SLIT2: variants seen among roughly 807,000 people sequenced by gnomAD.
The protein encoded by SLIT2 is slit homolog 2 protein.
A neutral mutation model predicts 185.7 loss-of-function variants in SLIT2; 41 were observed. The observed-to-expected ratio is 0.22, with a 90% confidence interval of 0.17 to 0.29. The LOEUF (loss-of-function observed/expected upper bound fraction) is 0.29, where lower values mean the gene tolerates loss of function less well. Among genes scored for constraint, SLIT2 ranks in the 10% least tolerant of loss-of-function variants. The pLI is 1.00. For missense variants in SLIT2, 1,571 were observed against 1,909.0 expected (o/e 0.82, Z 3.30); for synonymous variants, 693 against 680.2 (o/e 1.02, Z -0.29).
chr4:20,354,886 CGTGTGT>C (rs370122919), intron 4 of SLIT2, among the ~76,000 whole-genome samples: 8,421 of 135,880 alleles, frequency 0.062, 336 homozygotes, highest in Non-Finnish European at 0.089. Flanking sequence ...GGCAAGTCTG[CGTGTGT>C]GTGTGTGTGT....
chr4:20,352,332 A>G (rs1030236202), intron 4 of SLIT2, among the ~76,000 whole-genome samples: 1 of 151,618 alleles, frequency 6.6e-6, no homozygotes, highest in Admixed American at 6.6e-5. Flanking sequence ...TAGTTTGTGC[A>G]TTTTTTCTTC....
chr4:20,450,962 T>A (rs185054471), intron 4 of SLIT2, among the ~76,000 whole-genome samples: 1 of 152,348 alleles, frequency 6.6e-6, no homozygotes, highest in East Asian at 1.9e-4. Context: ...CAGAATGATC[T>A]ATCTTACAAC....
chr4:20,525,163 T>A lies in SLIT2; in HGVS notation c.1453T>A (p.Phe485Ile). 2 of 1,609,344 alleles carry A rather than the reference T, an allele frequency of 1.2e-6. No homozygotes were observed. The highest frequency in any genetic ancestry group is 1.7e-6 in the Non-Finnish European group (2 of 1,175,870). The change falls in exon 15 of 37, where the codon TTC (phenylalanine) becomes ATC (isoleucine). Residue 485 changes from phenylalanine to isoleucine, a missense_variant. Transcript: ENST00000504154. Reference sequence around the variant, plus strand: ...TTTTTATTTAGCTAAAGAACAGTATTTCATTCCAGGTAGGTTTTGCTCGGT... The same window carrying A: ...TTTTTATTTAGCTAAAGAACAGTATATCATTCCAGGTAGGTTTTGCTCGGT... Reference protein sequence around the residue: ...KFRCSAKEQYFIPGTEDYRSK... With the variant: ...KFRCSAKEQYIIPGTEDYRSK...
intron 4 of SLIT2, among the ~76,000 whole-genome samples, chr4:20,360,902 T>C (rs779867506): frequency 1.3e-5 from 2 of 152,180 alleles, no homozygotes; most frequent in Non-Finnish European, 2.9e-5. Context: ...TGACTTACCC[T>C]GTGAGCTCAC....
intron 18 of SLIT2, among the ~76,000 whole-genome samples, chr4:20,534,107 C>T (rs1034167584): frequency 3.3e-5 from 5 of 152,174 alleles, no homozygotes; most frequent in African/African-American, 9.7e-5. Context: ...CTACCCTGTC[C>T]TGCCTCAAAA....
intron 4 of SLIT2, among the ~76,000 whole-genome samples, chr4:20,432,710 T>A (rs1220982852): frequency 1.3e-5 from 2 of 151,954 alleles, no homozygotes; most frequent in Admixed American, 6.6e-5. Flanking sequence ...AGAGCTCTTA[T>A]CGGGCATTTT....
chr4:20,453,339 T>G (rs369180394), intron 4 of SLIT2, among the ~76,000 whole-genome samples: 66 of 152,306 alleles, frequency 4.3e-4, no homozygotes, highest in African/African-American at 1.5e-3. Context: ...TGAAAAAGCG[T>G]TTTCTATTTT....
chr4:20,548,280 C>T (rs548569966), intron 22 of SLIT2, among the ~76,000 whole-genome samples: 1 of 152,224 alleles, frequency 6.6e-6, no homozygotes, highest in South Asian at 2.1e-4. Flanking sequence ...TATATAATCA[C>T]TCCTAATTTC....
chr4:20,444,677 AT>A (rs531144250), intron 4 of SLIT2, among the ~76,000 whole-genome samples: 9 of 152,200 alleles, frequency 5.9e-5, no homozygotes, highest in Non-Finnish European at 1.2e-4. Flanking sequence ...TGCCACTGTC[AT>A]TTTTATAACT....
intron 4 of SLIT2, among the ~76,000 whole-genome samples, chr4:20,275,655 T>A (rs1245234027): frequency 2.6e-5 from 4 of 152,178 alleles, no homozygotes; most frequent in Non-Finnish European, 5.9e-5. Context: ...TGTGCATTTG[T>A]ACCATGTTAT....
intron 26 of SLIT2, among the ~76,000 whole-genome samples, chr4:20,564,263 G>A (rs1465052576): frequency 1.3e-5 from 2 of 151,654 alleles, no homozygotes; most frequent in Non-Finnish European, 2.9e-5. Context: ...GGACTTAGAA[G>A]GGCAAAATAT....
At chr4:20,362,640 C>T (rs187886427) in intron 4 of SLIT2, among the ~76,000 whole-genome samples, 110 of 151,264 alleles carry the variant, frequency 7.3e-4, no homozygotes, top group African/African-American at 2.4e-3. Context: ...TTTAAAATAA[C>T]GTGTATCTTC....
At chr4:20,401,768 G>A (rs532472727) in intron 4 of SLIT2, among the ~76,000 whole-genome samples, 90 of 151,928 alleles carry the variant, frequency 5.9e-4, no homozygotes, top group African/African-American at 2.0e-3. Flanking sequence ...ATCTAAAAAT[G>A]GGAAATGAAT....
intron 29 of SLIT2, among the ~76,000 whole-genome samples, chr4:20,582,875 A>G (rs746951788): frequency 1.3e-5 from 2 of 152,176 alleles, no homozygotes; most frequent in African/African-American, 2.4e-5. Context: ...TACCACGACA[A>G]CAGATTTGAT....
chr4:20,477,631 G>A (rs1308262047), intron 5 of SLIT2, among the ~76,000 whole-genome samples: 1 of 152,194 alleles, frequency 6.6e-6, no homozygotes, highest in African/African-American at 2.4e-5. Context: ...CCAAAGGGAA[G>A]ATTGGAGTCA....
intron 4 of SLIT2, among the ~76,000 whole-genome samples, chr4:20,461,770 T>C (rs1300207632): frequency 6.6e-6 from 1 of 152,172 alleles, no homozygotes; most frequent in Admixed American, 6.5e-5. Flanking sequence ...GGATGGTGTA[T>C]CCTTAACTGA....
intron 3 of SLIT2, among the ~76,000 whole-genome samples, chr4:20,259,332 A>G (rs953221691): frequency 1.1e-4 from 16 of 151,776 alleles, no homozygotes; most frequent in African/African-American, 3.9e-4. Context: ...AATCTTTAAG[A>G]AAGCATCAAT....
chr4:20,545,660 GGTCTT>G (rs1251154520), intron 21 of SLIT2, among the ~76,000 whole-genome samples: 2 of 151,996 alleles, frequency 1.3e-5, no homozygotes, highest in Non-Finnish European at 2.9e-5. Context: ...AGCAATGAGT[GGTCTT>G]GGCCACAGCA....
intron 4 of SLIT2, among the ~76,000 whole-genome samples, chr4:20,410,629 A>T (rs1325951708): frequency 6.6e-6 from 1 of 151,858 alleles, no homozygotes; most frequent in Non-Finnish European, 1.5e-5. Flanking sequence ...TCAATTTTCT[A>T]CATGTGGCTA....
Sources: allele counts gnomAD v4.1 joint callset (sites outside exome capture counted in the v4.1 genomes callset), GRCh38; gene constraint gnomAD v4.1.1; transcripts MANE v1.5; gene names NCBI Gene and HGNC (gene_info 2026-07-23, HGNC 2026-07-21).